The following XYLT1 variants were observed in gnomAD, a reference collection of about 807,000 sequenced individuals.
The protein encoded by XYLT1 is beta-D-xylosyltransferase 1.
A neutral mutation model predicts 91.3 loss-of-function variants in XYLT1; 36 were observed. The ratio of observed to expected loss-of-function variants is 0.39; its 90% CI spans 0.30 to 0.52. The LOEUF is 0.52. Among genes scored for constraint, XYLT1 ranks in the 20% least tolerant of loss-of-function variants. The pLI is 0.68. For synonymous variants in XYLT1, 588 were observed against 532.0 expected (o/e 1.11, Z -1.45); for missense variants, 1,242 against 1,284.5 (o/e 0.97, Z 0.51).
intron 10 of XYLT1, among the ~76,000 whole-genome samples, chr16:17,123,745 T>A (rs1156573584): frequency 6.6e-6 from 1 of 152,218 alleles, no homozygotes; most frequent in Non-Finnish European, 1.5e-5. Context: ...TCTGTCTTGA[T>A]GAACTGTGCC....
chr16:17,464,760 A>T (rs1199820505), intron 1 of XYLT1, among the ~76,000 whole-genome samples: 1 of 152,068 alleles, frequency 6.6e-6, no homozygotes, highest in Non-Finnish European at 1.5e-5. Flanking sequence ...ATCATGAGTT[A>T]GGGGTCTGAT....
chr16:17,284,767 G>A (rs2034109287), intron 2 of XYLT1, among the ~76,000 whole-genome samples: 1 of 152,252 alleles, frequency 6.6e-6, no homozygotes, highest in Non-Finnish European at 1.5e-5. Context: ...GAGTGACGGA[G>A]TGAGACTCTG....
intron 3 of XYLT1, among the ~76,000 whole-genome samples, chr16:17,230,108 G>T (rs1019001867): frequency 3.3e-5 from 5 of 152,228 alleles, no homozygotes; most frequent in African/African-American, 1.2e-4. Context: ...CCCTGCTCAT[G>T]CCTTGAGTGT....
At chr16:17,310,070 T>A (rs1404354224) in intron 2 of XYLT1, among the ~76,000 whole-genome samples, 1 of 152,204 alleles carries the variant, frequency 6.6e-6, no homozygotes, top group Non-Finnish European at 1.5e-5. Context: ...ATTTCAGGAA[T>A]GAGCTGCAAC....
chr16:17,245,345 G>C (rs764634), intron 3 of XYLT1, among the ~76,000 whole-genome samples: 53,021 of 151,996 alleles, frequency 0.35, 9,515 homozygotes, highest in Middle Eastern at 0.43. Flanking sequence ...CAGCCTCCCA[G>C]TTCCTCTGAA....
intron 2 of XYLT1, among the ~76,000 whole-genome samples, chr16:17,321,077 A>G (rs2034711328): frequency 6.6e-6 from 1 of 152,014 alleles, no homozygotes; most frequent in South Asian, 2.1e-4. Context: ...CTCAACTCTG[A>G]GGCCCATTGG....
chr16:17,207,480 C>T (rs1415449295), intron 3 of XYLT1, among the ~76,000 whole-genome samples: 6 of 152,110 alleles, frequency 3.9e-5, no homozygotes, highest in Non-Finnish European at 8.8e-5. Flanking sequence ...GGGGGAGAGG[C>T]CTCAATGAAT....
In XYLT1 at chr16:17,376,052, AG is replaced by A. The variant is rs1425907286; in HGVS notation, c.364-18003del. 2.0e-5 allele frequency among the ~76,000 whole-genome samples: 3 copies of A among 152,268 alleles called. No homozygotes were observed. The East Asian group carries it at 5.8e-4, about 29-fold the overall frequency. The stretch of plus-strand genomic sequence containing the variant: ...TGTGTATCCAACCACTTTACAGAGA[AG>A]GAAGTGGGACTGTGGATCACAGCCA... On this transcript the variant is annotated intron_variant, in intron 1 of 11. Coordinates refer to ENST00000261381, the MANE Select transcript of XYLT1 (RefSeq NM_022166.4).
In XYLT1 at chr16:17,349,972, C is replaced by T. The variant is rs544279568; in HGVS notation, c.402+8040G>A. 2.6e-5 allele frequency among the ~76,000 whole-genome samples: 4 copies of T among 152,078 alleles called. No individual in the cohort carries two copies. In the East Asian group the frequency reaches 7.8e-4, roughly 29 times the overall value. On this transcript the variant is annotated intron_variant, in intron 2 of 11. Transcript: ENST00000261381. ...CACTGCAAGCTCCGCCTCCCGGGTT[C>T]ACGTCATTCTCCTACCTCAGCCTCC...
chr16:17,443,376 A>C (rs11075351), intron 1 of XYLT1, among the ~76,000 whole-genome samples: 32,558 of 151,994 alleles, frequency 0.21, 4,326 homozygotes, highest in African/African-American at 0.37. Context: ...GTGGGAAGTG[A>C]TTGGATCATG....
chr16:17,211,674 A>T (rs758127195), intron 3 of XYLT1, among the ~76,000 whole-genome samples: 4 of 152,152 alleles, frequency 2.6e-5, no homozygotes, highest in Admixed American at 6.5e-5. Flanking sequence ...TAGGATACGC[A>T]CTGTTCTGAC....
chr16:17,167,605 G>A (rs540880848), intron 5 of XYLT1, among the ~76,000 whole-genome samples: 6 of 150,414 alleles, frequency 4.0e-5, no homozygotes, highest in Middle Eastern at 3.6e-3. Flanking sequence ...CTCGTGAACG[G>A]ATTCTAACCC....
chr16:17,305,877 G>A (rs373303137), intron 2 of XYLT1, among the ~76,000 whole-genome samples: 2 of 152,070 alleles, frequency 1.3e-5, no homozygotes, highest in African/African-American at 2.4e-5. Flanking sequence ...CCCTGACACC[G>A]CCGTGGTGGG....
At chr16:17,378,937 T>C (rs2035636844) in intron 1 of XYLT1, among the ~76,000 whole-genome samples, 1 of 152,202 alleles carries the variant, frequency 6.6e-6, no homozygotes, top group South Asian at 2.1e-4. Flanking sequence ...CCACAAGGGA[T>C]ACAAAACAAG....
At chr16:17,116,625 CAT>C (rs1491169473) in intron 11 of XYLT1, among the ~76,000 whole-genome samples, 5 of 152,180 alleles carry the variant, frequency 3.3e-5, no homozygotes, top group Non-Finnish European at 5.9e-5. Flanking sequence ...GAATAATTCT[CAT>C]GTGAGCATTT....
intron 2 of XYLT1, among the ~76,000 whole-genome samples, chr16:17,333,591 A>AT (rs147059649): frequency 6.1e-4 from 86 of 140,746 alleles, no homozygotes; most frequent in East Asian, 3.6e-3. Context: ...AATTTAATTT[A>AT]TTTTTTTTTT....
At chr16:17,220,534 G>A (rs148900065) in intron 3 of XYLT1, among the ~76,000 whole-genome samples, 2,759 of 152,236 alleles carry the variant, frequency 0.018, 98 homozygotes, top group African/African-American at 0.063. Flanking sequence ...GTGCAATGCC[G>A]CAATCTCGGC....
intron 3 of XYLT1, among the ~76,000 whole-genome samples, chr16:17,246,838 C>T (rs2033443055): frequency 6.6e-6 from 1 of 152,194 alleles, no homozygotes; most frequent in South Asian, 2.1e-4. Flanking sequence ...TAAGGGTACT[C>T]AGCCCTTGTG....
rs1203438850 is a variant in XYLT1, at chr16:17,107,483, T to C, written c.*1212A>G. On this transcript the variant is annotated 3_prime_UTR_variant, in exon 12 of 12. Coordinates refer to ENST00000261381, the MANE Select transcript of XYLT1 (RefSeq NM_022166.4). ...ACTTAAATCATACTGTTTTTTGTTG[T>C]TTAAATAACCTTCCCATTTTTATGT... The C allele has an allele frequency of 6.6e-6, 1 of 152,618 alleles. No individual in the cohort carries two copies. Among genetic ancestry groups the C allele is most frequent in the Admixed American group, 6.5e-5 (1 of 15,288 alleles). The allele number at this position is 152,618 out of a possible 1,614,324, so 9.5% of individuals were successfully genotyped here.
Sources: allele counts gnomAD v4.1 joint callset (sites outside exome capture counted in the v4.1 genomes callset), GRCh38; gene constraint gnomAD v4.1.1; transcripts MANE v1.5; gene names NCBI Gene and HGNC (gene_info 2026-07-23, HGNC 2026-07-21).